LZTS1: variants seen among roughly 807,000 people sequenced by gnomAD.
The protein encoded by LZTS1 is leucine zipper tumor suppressor 1.
In LZTS1, 31 loss-of-function variants were observed where a neutral mutation model predicts 45.8. The observed-to-expected ratio is 0.68, with a 90% CI of 0.51 to 0.91. The LOEUF (loss-of-function observed/expected upper bound fraction) is 0.91. Ranked by LOEUF, LZTS1 falls within the 40% of genes least tolerant of loss-of-function variation. The pLI is 0.00. For missense variants in LZTS1, 821 were observed against 788.9 expected (o/e 1.04, Z -0.49); for synonymous variants, 359 against 357.3 (o/e 1.00, Z -0.05).
intron 1 of LZTS1, 133 bp from the exon 2 acceptor site, chr8:20,255,448 C>A: frequency 1.9e-6 from 1 of 522,174 alleles, no homozygotes; most frequent in Non-Finnish European, 3.2e-6. Context: ...CCGGGTGCTC[C>A]GTTCCTTCTT....
intron 1 of LZTS1, among the ~76,000 whole-genome samples, chr8:20,263,209 G>A (rs904536395): frequency 5.9e-5 from 9 of 152,128 alleles, no homozygotes; most frequent in African/African-American, 1.4e-4. Context: ...CCCCACGACC[G>A]CCTTGAACTT....
chr8:20,295,013 G>T lies in LZTS1; in HGVS notation c.-135+8727C>A, dbSNP rs549899183. 2.0e-5 allele frequency among the ~76,000 whole-genome samples: 3 copies of T among 152,022 alleles called. 1 individual carries two copies. In the South Asian group the frequency reaches 6.2e-4, roughly 32 times the overall value. On this transcript the variant is annotated intron_variant, in intron 1 of 3. Coordinates refer to ENST00000381569, the MANE Select transcript of LZTS1 (RefSeq NM_021020.5). ...TGGGAGGCAAGGAGCCTGGGTTGGG[G>T]GCCCCAAGAGGTCCCAAGCCAGCTT... is the stretch of plus-strand genomic sequence containing the variant.
chr8:20,296,927 T>A (rs929226617), intron 1 of LZTS1, among the ~76,000 whole-genome samples: 1 of 152,174 alleles, frequency 6.6e-6, no homozygotes, highest in Non-Finnish European at 1.5e-5. Context: ...AAATCACCTC[T>A]CTGCTGGATT....
At chr8:20,298,084 C>CAA (rs1238805446) in intron 1 of LZTS1, among the ~76,000 whole-genome samples, 5 of 151,746 alleles carry the variant, frequency 3.3e-5, no homozygotes, top group Non-Finnish European at 5.9e-5. Context: ...TTTTTTGAGA[C>CAA]AAAGTCTTGC....
intron 1 of LZTS1, among the ~76,000 whole-genome samples, chr8:20,272,879 C>T (rs974320163): frequency 2.6e-5 from 4 of 152,200 alleles, no homozygotes; most frequent in African/African-American, 7.2e-5. Context: ...AGCATTTAAA[C>T]GTGCACAAGT....
At chr8:20,273,745 T>A (rs1388718202) in intron 1 of LZTS1, among the ~76,000 whole-genome samples, 1 of 151,266 alleles carries the variant, frequency 6.6e-6, no homozygotes, top group Non-Finnish European at 1.5e-5. Context: ...GCTATCATAG[T>A]TCCCTTGGGA....
intron 1 of LZTS1, among the ~76,000 whole-genome samples, chr8:20,264,239 G>C (rs989923228): frequency 6.6e-6 from 1 of 152,138 alleles, no homozygotes; most frequent in African/African-American, 2.4e-5. Context: ...TGTAGAGCTA[G>C]ATCTTCCCAT....
chr8:20,295,364 C>T (rs1273717506), intron 1 of LZTS1, among the ~76,000 whole-genome samples: 5 of 152,222 alleles, frequency 3.3e-5, no homozygotes, highest in African/African-American at 1.2e-4. Flanking sequence ...GAGTTTCCCA[C>T]TGAGATTGCA....
intron 1 of LZTS1, among the ~76,000 whole-genome samples, chr8:20,264,709 C>G (rs907393451): frequency 2.0e-5 from 3 of 152,194 alleles, no homozygotes; most frequent in African/African-American, 7.2e-5. Context: ...GAGGCACAAC[C>G]AGCCAGGCAG....
chr8:20,265,326 A>G (rs1800331201), intron 1 of LZTS1, among the ~76,000 whole-genome samples: 1 of 152,142 alleles, frequency 6.6e-6, no homozygotes, highest in Non-Finnish European at 1.5e-5. Flanking sequence ...CATGGCAGGC[A>G]TCGTGTTGAC....
chr8:20,275,028 A>T (rs1800550478), intron 1 of LZTS1, among the ~76,000 whole-genome samples: 1 of 148,772 alleles, frequency 6.7e-6, no homozygotes, highest in Non-Finnish European at 1.5e-5. Context: ...CGCTTCCTGG[A>T]GGGAAGTCTC....
chr8:20,269,622 T>G (rs1236513175), intron 1 of LZTS1, among the ~76,000 whole-genome samples: 1 of 152,146 alleles, frequency 6.6e-6, no homozygotes, highest in Non-Finnish European at 1.5e-5. Flanking sequence ...TACGGAAGAA[T>G]CAATGGAAAC....
intron 2 of LZTS1, 120 bp downstream of exon 2, chr8:20,254,717 G>T: frequency 1.2e-6 from 1 of 803,914 alleles, no homozygotes; most frequent in Non-Finnish European, 1.9e-6. Context: ...CTGCCGCTCT[G>T]GTTTTGAGGA....
intron 3 of LZTS1, among the ~76,000 whole-genome samples, chr8:20,252,168 C>A (rs996284374): frequency 2.6e-5 from 4 of 152,116 alleles, no homozygotes; most frequent in Admixed American, 2.0e-4. Context: ...GGTACAGATG[C>A]CTCATTTCCA....
intron 1 of LZTS1, among the ~76,000 whole-genome samples, chr8:20,257,763 G>A (rs753137867): frequency 1.9e-4 from 29 of 151,328 alleles, no homozygotes; most frequent in African/African-American, 4.4e-4. Flanking sequence ...TCCACCTCGC[G>A]GGTTCAAATG....
chr8:20,298,725 G>A (rs1801018981), intron 1 of LZTS1, among the ~76,000 whole-genome samples: 1 of 152,164 alleles, frequency 6.6e-6, no homozygotes, highest in Non-Finnish European at 1.5e-5. Context: ...TTAGCCAGGT[G>A]TGTTGGTATG....
intron 1 of LZTS1, among the ~76,000 whole-genome samples, chr8:20,257,618 T>C (rs528801714): frequency 3.9e-5 from 6 of 152,172 alleles, no homozygotes; most frequent in African/African-American, 7.2e-5. Context: ...GTAAACTGTT[T>C]AATATCTTTA....
chr8:20,254,990 G>C lies in LZTS1; in HGVS notation c.192C>G (p.Asp64Glu). ...KSSSKMGKSE[D>E]FFYIKVSQKA... ...TCTGGCTGACCTTGATGTAGAAGAA[G>C]TCTTCGCTCTTGCCCATTTTGGAGC... is the stretch of plus-strand genomic sequence containing the variant. Residue 64 changes from aspartate to glutamate, a missense_variant, in exon 2 of 4, where the codon GAC (aspartate) becomes GAG (glutamate). Physicochemically the swap from Asp to Glu is conservative, Grantham distance 45 (BLOSUM62 2). Transcript: ENST00000381569. 2 of 1,614,212 alleles carry C rather than the reference G, an allele frequency of 1.2e-6. No individual in the cohort carries two copies. Among genetic ancestry groups the C allele is most frequent in the South Asian group, 2.2e-5 (2 of 91,088 alleles).
chr8:20,280,525 G>A (rs1407528430), intron 1 of LZTS1, among the ~76,000 whole-genome samples: 2 of 152,156 alleles, frequency 1.3e-5, no homozygotes, highest in African/African-American at 4.8e-5. Flanking sequence ...GTGCACATGT[G>A]TTCAGACCCC....
Sources: allele counts gnomAD v4.1 joint callset (sites outside exome capture counted in the v4.1 genomes callset), GRCh38; gene constraint gnomAD v4.1.1; transcripts MANE v1.5; gene names NCBI Gene and HGNC (gene_info 2026-07-23, HGNC 2026-07-21).